The following UGT1A10 variants were observed in gnomAD, a reference collection of about 807,000 sequenced individuals.
UGT1A10 encodes the protein UDP-glucuronosyltransferase 1A10.
A neutral mutation model predicts 45.8 loss-of-function variants in UGT1A10; 49 were observed. The observed-to-expected ratio is 1.07, with a 90% CI of 0.85 to 1.36. The LOEUF (loss-of-function observed/expected upper bound fraction) is 1.36, where lower values mean the gene tolerates loss of function less well. Ranked by LOEUF, UGT1A10 falls within the 40% of genes most tolerant of loss-of-function variation. The probability of loss-of-function intolerance (pLI) is 0.00; values close to 1 mark genes in which losing one functional copy is unlikely to be tolerated. For missense variants in UGT1A10, 745 were observed against 668.6 expected, an observed-to-expected ratio of 1.11 and a Z score of -1.26; for synonymous variants, 284 against 249.7, an observed-to-expected ratio of 1.14 and a Z score of -1.29.
Position 233,772,824 on chromosome 2 carries a change from C to A in UGT1A10, c.*265C>A. On this transcript the variant is annotated 3_prime_UTR_variant, in exon 5 of 5. Coordinates refer to ENST00000344644, the MANE Select transcript of UGT1A10 (RefSeq NM_019075.4). ...ATTTTTCAGAGGACGTGCAGACAGG[C>A]TGGCATTCTAGATTACTTTTCTTAC... 3 of 955,748 alleles carry A rather than the reference C, an allele frequency of 3.1e-6. No individual in the cohort carries two copies. The highest frequency in any genetic ancestry group is 2.9e-6 in the Non-Finnish European group (2 of 693,186). 59.2% of individuals were successfully genotyped at this position (955,748 alleles called of 1,614,324 possible).
chr2:233,719,226 G>T (rs2076738991), intron 1 of UGT1A10: 1 of 1,614,026 alleles, frequency 6.2e-7, no homozygotes, highest in Non-Finnish European at 8.5e-7. Context: ...GCATAATGAG[G>T]CCCTGATCAG....
In UGT1A10 at chr2:233,683,100, A is replaced by G. The variant is rs375985359; in HGVS notation, c.855+45723A>G. Among the ~76,000 whole-genome samples, 6 of 152,278 alleles carry G rather than the reference A, an allele frequency of 3.9e-5. No homozygotes were observed. The South Asian group carries it at 1.2e-3, about 32-fold the overall frequency. ...AAACTTCCCTTTTTTTGCTAATTCT[A>G]CACTACCCCCAGAGGAAAATATTCT... On this transcript the variant is annotated intron_variant, in intron 1 of 4. Transcript: ENST00000344644.
chr2:233,683,596 T>A (rs1209993411), intron 1 of UGT1A10, among the ~76,000 whole-genome samples: 1 of 152,220 alleles, frequency 6.6e-6, no homozygotes, highest in Non-Finnish European at 1.5e-5. Context: ...TATGAATCCC[T>A]CATTATTTAT....
At chr2:233,651,108 G>C (rs181941188) in intron 1 of UGT1A10, among the ~76,000 whole-genome samples, 16 of 152,266 alleles carry the variant, frequency 1.1e-4, no homozygotes, top group Admixed American at 2.0e-4. Flanking sequence ...TCAGCTCTTG[G>C]CAAGAACAGG....
chr2:233,682,061 C>A, intron 1 of UGT1A10: 2 of 1,614,098 alleles, frequency 1.2e-6, no homozygotes, highest in South Asian at 1.1e-5. Context: ...GTTCACCATG[C>A]AGTCGGTGGT....
chr2:233,752,072 T>C (rs1694888603), intron 1 of UGT1A10, among the ~76,000 whole-genome samples: 1 of 152,194 alleles, frequency 6.6e-6, no homozygotes, highest in Non-Finnish European at 1.5e-5. Flanking sequence ...GATGGGGAAG[T>C]CTCTCTACCT....
At chr2:233,747,423 CAA>C (rs113576188) in intron 1 of UGT1A10, 84,087 of 1,608,036 alleles carry the variant, frequency 0.052, 2,713 homozygotes, top group Non-Finnish European at 0.063. Context: ...GCACATCAAA[CAA>C]GAGAAATTTT....
chr2:233,732,553 T>TAAATAAGGA (rs1454535423), intron 1 of UGT1A10, among the ~76,000 whole-genome samples: 6 of 152,230 alleles, frequency 3.9e-5, no homozygotes, highest in African/African-American at 1.4e-4. Context: ...CACCATTTAT[T>TAAATAAGGA]AAATAAGGAA....
At chr2:233,771,851 A>G (rs982853189) in intron 4 of UGT1A10, among the ~76,000 whole-genome samples, 2 of 135,436 alleles carry the variant, frequency 1.5e-5, no homozygotes, top group Non-Finnish European at 3.0e-5. Context: ...CTTCTTTTTC[A>G]AGAGATCAAT....
At chr2:233,698,912 G>A (rs1019519579) in intron 1 of UGT1A10, among the ~76,000 whole-genome samples, 1 of 152,230 alleles carries the variant, frequency 6.6e-6, no homozygotes, top group South Asian at 2.1e-4. Context: ...CCCAAGGAGG[G>A]ACGTGGCCGT....
intron 1 of UGT1A10, among the ~76,000 whole-genome samples, chr2:233,715,442 T>G (rs560027833): frequency 2.6e-5 from 4 of 152,318 alleles, no homozygotes; most frequent in Admixed American, 2.6e-4. Context: ...ATGTGACTCC[T>G]ATGTTATTTT....
intron 1 of UGT1A10, among the ~76,000 whole-genome samples, chr2:233,652,891 C>T (rs1338090829): frequency 6.6e-6 from 1 of 152,168 alleles, no homozygotes; most frequent in African/African-American, 2.4e-5. Context: ...ATTTATGACC[C>T]AGATTTGGAA....
At chr2:233,739,657 C>G (rs772609637) in intron 1 of UGT1A10, among the ~76,000 whole-genome samples, 2 of 152,202 alleles carry the variant, frequency 1.3e-5, no homozygotes, top group Non-Finnish European at 2.9e-5. Flanking sequence ...TTCTGTACCC[C>G]CATTGTGTCT....
rs1249227903 is a variant in UGT1A10 at position 233,691,705 on chromosome 2, C to T, written c.855+54328C>T. 5.3e-6 allele frequency: 5 copies of T among 943,294 alleles called. No individual in the cohort carries two copies. The African/African-American group carries it at 5.3e-5, about 10-fold the overall frequency. The allele number at this position is 943,294 out of a possible 1,614,324, so 58.4% of individuals were successfully genotyped here. A position where few individuals can be genotyped will look rare whatever the true frequency, so the allele number is the denominator to read the frequency against. On this transcript the variant is annotated intron_variant, in intron 1 of 4. Coordinates refer to ENST00000344644, the MANE Select transcript of UGT1A10 (RefSeq NM_019075.4). ...CCTGAAGCTCAGGAGAGGAGTCACT[C>T]CCCTGGCAGATGGGTGGCTGGGCCA...
intron 1 of UGT1A10, chr2:233,754,418 A>T: frequency 2.9e-6 from 1 of 342,598 alleles, no homozygotes; most frequent in Non-Finnish European, 5.7e-6. Context: ...CAATAAAGAC[A>T]GGCATTGGCA....
intron 1 of UGT1A10, among the ~76,000 whole-genome samples, chr2:233,699,277 G>C (rs571854472): frequency 2.9e-4 from 44 of 152,142 alleles, no homozygotes; most frequent in African/African-American, 1.1e-3. Context: ...CTTGAATCCA[G>C]GCCAGATGCT....
At chr2:233,719,072 G>C (rs148007151) in intron 1 of UGT1A10, 2 of 1,614,284 alleles carry the variant, frequency 1.2e-6, no homozygotes, top group African/African-American at 2.7e-5. Flanking sequence ...CTGTTCCATG[G>C]ACCCAGAAGG....
chr2:233,743,730 C>A (rs189214805), intron 1 of UGT1A10: 9 of 1,367,384 alleles, frequency 6.6e-6, no homozygotes, highest in East Asian at 4.5e-5. Context: ...TCATAGATAT[C>A]GCGTTTCTTG....
At chr2:233,710,045 C>T (rs1309326393) in intron 1 of UGT1A10, among the ~76,000 whole-genome samples, 1 of 152,194 alleles carries the variant, frequency 6.6e-6, no homozygotes, top group Non-Finnish European at 1.5e-5. Context: ...TGTCTGGCCT[C>T]TTTGGCTCGG....
Sources: allele counts gnomAD v4.1 joint callset (sites outside exome capture counted in the v4.1 genomes callset), GRCh38; gene constraint gnomAD v4.1.1; transcripts MANE v1.5; gene names NCBI Gene and HGNC (gene_info 2026-07-23, HGNC 2026-07-21).